NBDY: variants seen among roughly 807,000 people sequenced by gnomAD.
NBDY encodes the protein negative regulator of P-body association.
intron 2 of NBDY, among the ~76,000 whole-genome samples, chrX:56,783,989 G>A (rs2069712795): frequency 8.9e-6 from 1 of 111,887 alleles, no homozygotes; most frequent in East Asian, 2.8e-4. Flanking sequence ...CTCTGGGCAG[G>A]GGTCCCAGTG....
chrX:56,733,313 A>T (rs1489240450), intron 2 of NBDY, among the ~76,000 whole-genome samples: 2 of 108,660 alleles, frequency 1.8e-5, no homozygotes, highest in Admixed American at 9.8e-5. Flanking sequence ...TTCTTTTTTA[A>T]TTTTTTTTAC....
At chrX:56,790,900 G>T (rs1293092507) in intron 2 of NBDY, among the ~76,000 whole-genome samples, 1 of 112,325 alleles carries the variant, frequency 8.9e-6, no homozygotes, top group Non-Finnish European at 1.9e-5. Context: ...CAGATCGTGC[G>T]GATGGGGTTG....
chrX:56,786,555 C>G (rs919382472), intron 2 of NBDY, among the ~76,000 whole-genome samples: 4 of 110,567 alleles, frequency 3.6e-5, no homozygotes, highest in Non-Finnish European at 5.7e-5. Context: ...CCAACATCCT[C>G]TTCTTCTCCT....
intron 2 of NBDY, among the ~76,000 whole-genome samples, chrX:56,733,587 T>C (rs1341576185): frequency 1.8e-5 from 2 of 111,774 alleles, no homozygotes; most frequent in Non-Finnish European, 3.8e-5. Context: ...GGGTGCAGAA[T>C]GGAGAAACCT....
rs1027934276 is a variant in NBDY, at chrX:56,729,459, T to C, written c.106T>C (p.Tyr36His). The C allele has an allele frequency of 4.1e-5, 12 of 295,906 alleles. No individual in the cohort carries two copies. The highest frequency in any genetic ancestry group is 2.2e-4 in the African/African-American group (8 of 36,290). 24.4% of individuals were successfully genotyped at this position (295,906 alleles called of 1,213,427 possible). Residue 36 changes from tyrosine to histidine, a missense_variant, in exon 1 of 3, where the codon TAT (tyrosine) becomes CAT (histidine). Coordinates refer to ENST00000374922, the MANE Select transcript of NBDY (RefSeq NM_001348129.2). ...CTGCCTCCTCGCTCCGCGTTGGGAT[T>C]ATCCGGAAGGAACTCCCAACGGAGG... ...KRCLLAPRWD[Y>H]PEGTPNGGST...
chrX:56,739,284 TTA>T (rs58094616), intron 2 of NBDY, among the ~76,000 whole-genome samples: 20,780 of 74,765 alleles, frequency 0.28, 2,594 homozygotes, highest in Middle Eastern at 0.54. Context: ...ATATATATTT[TTA>T]TATATATATA....
At chrX:56,781,569 G>T (rs910829929) in intron 2 of NBDY, among the ~76,000 whole-genome samples, 2 of 112,248 alleles carry the variant, frequency 1.8e-5, no homozygotes, top group African/African-American at 3.2e-5. Flanking sequence ...AGTTTACTCT[G>T]TAACTCATTG....
intron 2 of NBDY, among the ~76,000 whole-genome samples, chrX:56,767,691 A>G (rs909285070): frequency 8.9e-6 from 1 of 112,766 alleles, no homozygotes; most frequent in East Asian, 2.8e-4. Context: ...ACTTTCTTTT[A>G]TAATTATGTT....
intron 2 of NBDY, among the ~76,000 whole-genome samples, chrX:56,783,405 A>C (rs925903345): frequency 8.9e-5 from 10 of 112,980 alleles, no homozygotes; most frequent in Non-Finnish European, 1.5e-4. Context: ...CCCACAAAAG[A>C]GACCAGATTA....
chrX:56,753,165 G>C (rs2069593977), intron 2 of NBDY, among the ~76,000 whole-genome samples: 1 of 111,851 alleles, frequency 8.9e-6, no homozygotes, highest in Admixed American at 9.5e-5. Context: ...GAGACAAAGG[G>C]GACACCCAGA....
intron 2 of NBDY, among the ~76,000 whole-genome samples, chrX:56,808,083 T>C (rs2069863214): frequency 8.9e-6 from 1 of 112,460 alleles, no homozygotes; most frequent in African/African-American, 3.2e-5. Context: ...GTGTGGTTTT[T>C]TGTCATTAGT....
intron 2 of NBDY, among the ~76,000 whole-genome samples, chrX:56,745,739 T>C (rs1003278083): frequency 6.3e-5 from 7 of 111,113 alleles, no homozygotes; most frequent in Admixed American, 1.9e-4. Context: ...TCCCTTTTTT[T>C]TTCTTGTCCT....
chrX:56,746,449 A>G (rs2069558734), intron 2 of NBDY, among the ~76,000 whole-genome samples: 1 of 111,207 alleles, frequency 9.0e-6, no homozygotes, highest in Non-Finnish European at 1.9e-5. Context: ...TATTAGTTTT[A>G]TATTTCTACC....
At chrX:56,762,926 CAG>C (rs1258444004) in intron 2 of NBDY, among the ~76,000 whole-genome samples, 2 of 111,723 alleles carry the variant, frequency 1.8e-5, no homozygotes, top group Non-Finnish European at 3.8e-5. Flanking sequence ...AGAAACCTCA[CAG>C]GGGCACAGGG....
intron 2 of NBDY, among the ~76,000 whole-genome samples, chrX:56,734,656 A>T (rs1332236547): frequency 9.0e-6 from 1 of 111,716 alleles, no homozygotes; most frequent in Non-Finnish European, 1.9e-5. Context: ...CACTCTTCTC[A>T]TCTCCAGCAG....
At chrX:56,787,107 G>A (rs905593702) in intron 2 of NBDY, among the ~76,000 whole-genome samples, 4 of 111,117 alleles carry the variant, frequency 3.6e-5, no homozygotes, top group Non-Finnish European at 5.6e-5. Flanking sequence ...CCGGATTTCA[G>A]TGTGTGCAGG....
chrX:56,817,283 TAAGTCAATA>T (rs1343302653), intron 2 of NBDY, 28 bp from the exon 3 acceptor site: 1 of 112,445 alleles, frequency 8.9e-6, no homozygotes, highest in Non-Finnish European at 1.9e-5. Flanking sequence ...TTTCTCATTA[TAAGTCAATA>T]AACTTTTGTT....
rs565776270 is a variant in NBDY at position 56,733,059 on chromosome X, A to G, written c.*166+860A>G. 2.7e-4 allele frequency among the ~76,000 whole-genome samples: 30 copies of G among 110,047 alleles called. No individual in the cohort carries two copies. In the South Asian group the frequency reaches 7.3e-3, roughly 27 times the overall value. ...TGAATCTTTAGCATCTTAATTTTCA[A>G]TGTTCTTCTGTAAAATAAGAATTTA... On this transcript the variant is annotated intron_variant, in intron 2 of 2. Coordinates refer to ENST00000374922, the MANE Select transcript of NBDY (RefSeq NM_001348129.2).
At chrX:56,739,238 G>GTATATATATATATATA (rs1198957018) in intron 2 of NBDY, among the ~76,000 whole-genome samples, 14 of 59,599 alleles carry the variant, frequency 2.3e-4, no homozygotes, top group African/African-American at 7.7e-4. Context: ...GTTTGTGTGT[G>GTATATATATATATATA]TATATATATA....
Sources: gnomAD v4.1 joint callset for allele counts (sites outside exome capture counted in the v4.1 genomes callset) on GRCh38, gnomAD v4.1.1 for gene constraint, MANE v1.5 for transcripts, NCBI Gene and HGNC (gene_info 2026-07-23, HGNC 2026-07-21) for gene names.